The following KIF26B variants were observed in gnomAD, a reference collection of about 807,000 sequenced individuals.
KIF26B encodes kinesin-like protein KIF26B.
In KIF26B, 63 loss-of-function variants were observed where a neutral mutation model predicts 151.2. The observed-to-expected ratio is 0.42, with a 90% confidence interval of 0.34 to 0.51. The LOEUF is 0.51. KIF26B is among the 20% of genes least tolerant of loss of function. KIF26B has a pLI of 0.07. For synonymous variants in KIF26B, 1,357 were observed against 1,262.1 expected (o/e 1.08, Z -1.59); for missense variants, 2,813 against 2,913.6 (o/e 0.97, Z 0.79).
intron 2 of KIF26B, among the ~76,000 whole-genome samples, chr1:245,312,567 C>T (rs369962899): frequency 9.9e-5 from 15 of 152,012 alleles, no homozygotes; most frequent in Admixed American, 3.9e-4. Context: ...TACCTTGCCT[C>T]ACATTCTCAC....
At chr1:245,646,064 C>A in intron 9 of KIF26B, 57 bp from the exon 10 acceptor site, 1 of 1,562,164 alleles carries the variant, frequency 6.4e-7, no homozygotes, top group Non-Finnish European at 8.7e-7. Context: ...ACATGAAGAA[C>A]AGATGAGTGT....
intron 5 of KIF26B, among the ~76,000 whole-genome samples, chr1:245,555,022 C>G (rs984614961): frequency 6.6e-6 from 1 of 152,170 alleles, no homozygotes; most frequent in African/African-American, 2.4e-5. Flanking sequence ...CCCTTCCAGG[C>G]CGTGCTCTTC....
At position 245,688,692 on chromosome 1, in the gene KIF26B, G is replaced by A. The variant is rs1209469911; in HGVS notation, c.5709G>A (p.Arg1903=). Reference sequence around the variant, plus strand: ...GCAGCGGCTACGAGAGCGTGATGCGGGACAGCGAGGCCACCGGCAGCGCGT... The same window carrying A: ...GCAGCGGCTACGAGAGCGTGATGCGAGACAGCGAGGCCACCGGCAGCGCGT... ...GGSSGYESVM[R]DSEATGSASS... Residue 1903 remains arginine (R), a synonymous_variant, in exon 12 of 15, where the codon CGG becomes CGA. Transcript: ENST00000407071. The A allele has an allele frequency of 5.6e-6, 9 of 1,606,362 alleles. No homozygotes were observed. The Admixed American group carries it at 1.0e-4, about 18-fold the overall frequency.
At chr1:245,421,427 G>C (rs1409014752) in intron 4 of KIF26B, among the ~76,000 whole-genome samples, 1 of 152,122 alleles carries the variant, frequency 6.6e-6, no homozygotes, top group Non-Finnish European at 1.5e-5. Context: ...AACGAGGGAG[G>C]AGACGGACCT....
intron 5 of KIF26B, among the ~76,000 whole-genome samples, chr1:245,579,054 A>G (rs192368551): frequency 2.6e-5 from 4 of 152,310 alleles, no homozygotes; most frequent in East Asian, 1.9e-4. Context: ...TCCTTTCTAA[A>G]CTTTTCCTGT....
intron 9 of KIF26B, among the ~76,000 whole-genome samples, chr1:245,618,408 G>A (rs2043617255): frequency 6.6e-6 from 1 of 151,746 alleles, no homozygotes; most frequent in Admixed American, 6.6e-5. Context: ...CTGGGGCTAT[G>A]TCCGCAGCGT....
intron 5 of KIF26B, among the ~76,000 whole-genome samples, chr1:245,566,607 G>A (rs2043012036): frequency 6.6e-6 from 1 of 152,200 alleles, no homozygotes; most frequent in African/African-American, 2.4e-5. Context: ...CCAAACAAAA[G>A]CTTTCAAGCG....
At chr1:245,586,259 A>G (rs932771453) in intron 5 of KIF26B, among the ~76,000 whole-genome samples, 1 of 151,870 alleles carries the variant, frequency 6.6e-6, no homozygotes, top group Non-Finnish European at 1.5e-5. Context: ...GCCTAAAGCA[A>G]TTATCCTACC....
At chr1:245,339,138 T>G (rs1200961303) in intron 2 of KIF26B, among the ~76,000 whole-genome samples, 1 of 151,948 alleles carries the variant, frequency 6.6e-6, no homozygotes. Flanking sequence ...CCACCACGCC[T>G]GGCTAATTTT....
chr1:245,334,329 T>C (rs1672179994), intron 2 of KIF26B, among the ~76,000 whole-genome samples: 1 of 152,244 alleles, frequency 6.6e-6, no homozygotes, highest in African/African-American at 2.4e-5. Context: ...AAAATGTTCG[T>C]TCCTGGTGTT....
At chr1:245,459,759 C>T (rs1173656) in intron 4 of KIF26B, among the ~76,000 whole-genome samples, 34,329 of 151,860 alleles carry the variant, frequency 0.23, 3,994 homozygotes, top group East Asian at 0.28. Context: ...GATAAAAACC[C>T]AATAGTGCAG....
chr1:245,699,621 CTT>C (rs1051206438), intron 14 of KIF26B, among the ~76,000 whole-genome samples: 1 of 136,024 alleles, frequency 7.4e-6, no homozygotes, highest in Admixed American at 7.5e-5. Context: ...ATTGTCTTGT[CTT>C]ATTAGTTCCT....
At chr1:245,370,710 G>A (rs368881913) in intron 3 of KIF26B, 23 of 442,902 alleles carry the variant, frequency 5.2e-5, no homozygotes, top group East Asian at 5.0e-4. Flanking sequence ...GTGAAAGTTT[G>A]TGTGTAAGTC....
intron 5 of KIF26B, among the ~76,000 whole-genome samples, chr1:245,587,535 C>T (rs1047616088): frequency 2.6e-5 from 4 of 152,138 alleles, no homozygotes; most frequent in African/African-American, 4.8e-5. Flanking sequence ...TGTTCCGTCC[C>T]GTCTGTATCC....
intron 2 of KIF26B, among the ~76,000 whole-genome samples, chr1:245,171,092 A>C (rs1558332535): frequency 6.6e-6 from 1 of 152,162 alleles, no homozygotes; most frequent in Non-Finnish European, 1.5e-5. Context: ...TCTTTTGGTG[A>C]AAGTGACAAG....
In KIF26B at chr1:245,383,020, C is replaced by T. The variant is rs7518097; in HGVS notation, c.999+15653C>T. Among the ~76,000 whole-genome samples the T allele has an allele frequency of 2.7e-5, 4 of 147,280 alleles. 1 individual carries two copies. The highest frequency in any genetic ancestry group is 4.2e-4 in the South Asian group (2 of 4,748). ...TATTTTATATATATACACACACACA[C>T]ATATATATATATGTATATGTATATA... On this transcript the variant is annotated intron_variant, in intron 3 of 14. Transcript: ENST00000407071.
intron 2 of KIF26B, among the ~76,000 whole-genome samples, chr1:245,205,173 G>A (rs567759847): frequency 3.3e-5 from 5 of 152,246 alleles, no homozygotes; most frequent in South Asian, 2.1e-4. Flanking sequence ...AAATATGGCC[G>A]TAGAGTACAT....
chr1:245,438,144 C>A (rs1027322713), intron 4 of KIF26B, among the ~76,000 whole-genome samples: 7 of 152,220 alleles, frequency 4.6e-5, no homozygotes, highest in Non-Finnish European at 1.0e-4. Flanking sequence ...CCCAGCTGGT[C>A]TGTTGGATGA....
intron 2 of KIF26B, among the ~76,000 whole-genome samples, chr1:245,221,710 T>G (rs557446443): frequency 1.5e-4 from 23 of 152,312 alleles, no homozygotes; most frequent in African/African-American, 5.5e-4. Context: ...GCCTGGCCTA[T>G]TCTTCCTACT....
Sources: allele counts gnomAD v4.1 joint callset (sites outside exome capture counted in the v4.1 genomes callset), GRCh38; gene constraint gnomAD v4.1.1; transcripts MANE v1.5; gene names NCBI Gene and HGNC (gene_info 2026-07-23, HGNC 2026-07-21).